CYP39A1: variants seen among roughly 807,000 people sequenced by gnomAD.
CYP39A1 encodes the protein cytochrome P450 family 39 subfamily A member 1, also known as 24-hydroxycholesterol 7-alpha-hydroxylase.
In CYP39A1, 49 loss-of-function variants were observed where a neutral mutation model predicts 58.1. The ratio of observed to expected loss-of-function variants is 0.84; its 90% CI spans 0.67 to 1.07. CYP39A1 has a LOEUF of 1.07. CYP39A1 is among the 50% of genes least tolerant of loss of function. The pLI, the probability that CYP39A1 is intolerant of heterozygous loss-of-function variation, is 0.00. For synonymous variants in CYP39A1, 209 were observed against 187.6 expected, an observed-to-expected ratio of 1.11 and a Z score of -0.93; for missense variants, 531 against 539.4, an observed-to-expected ratio of 0.98 and a Z score of 0.16.
chr6:46,623,993 G>A (rs575335142), intron 7 of CYP39A1, among the ~76,000 whole-genome samples: 8 of 152,014 alleles, frequency 5.3e-5, no homozygotes, highest in Non-Finnish European at 1.0e-4. Flanking sequence ...CATTTTTTGT[G>A]TCAGAAGAGA....
At position 46,553,866 on chromosome 6, in the gene CYP39A1, G is replaced by A. The variant is rs181579679; in HGVS notation, c.1251-12C>T. 2.5e-4 allele frequency: 376 copies of A among 1,502,952 alleles called. No individual in the cohort carries two copies. Among genetic ancestry groups the A allele is most frequent in the Admixed American group, 5.5e-4 (29 of 53,028 alleles). 93.1% of individuals were successfully genotyped at this position (1,502,952 alleles called of 1,614,324 possible). On this transcript the variant is annotated splice_polypyrimidine_tract_variant and intron_variant, in intron 10 of 11. Transcript: ENST00000275016. ...ACAGAGCAAACCACCTGGAAGAAAC[G>A]AATAAAATTGTTACTTGATTGTGAA...
At chr6:46,583,221 T>A (rs982648884) in intron 10 of CYP39A1, 12 of 985,278 alleles carry the variant, frequency 1.2e-5, no homozygotes, top group Non-Finnish European at 1.4e-5. Context: ...TATAAGCAGA[T>A]TAATCTTGCC....
chr6:46,600,151 T>C (rs7765471), intron 7 of CYP39A1, among the ~76,000 whole-genome samples: 2 of 151,744 alleles, frequency 1.3e-5, no homozygotes, highest in African/African-American at 4.8e-5. Flanking sequence ...TTTTTTGACA[T>C]GGAGACTCGC....
At chr6:46,569,694 C>A (rs1771476979) in intron 10 of CYP39A1, among the ~76,000 whole-genome samples, 1 of 152,034 alleles carries the variant, frequency 6.6e-6, no homozygotes, top group Non-Finnish European at 1.5e-5. Context: ...ATAGGTTGGA[C>A]CACCCTTGCA....
At chr6:46,559,832 TAA>T (rs1479608994) in intron 10 of CYP39A1, among the ~76,000 whole-genome samples, 1 of 152,202 alleles carries the variant, frequency 6.6e-6, no homozygotes, top group Non-Finnish European at 1.5e-5. Flanking sequence ...GATTATACAC[TAA>T]GAGTTCTAAC....
chr6:46,587,225 T>C, intron 9 of CYP39A1, 60 bp from the exon 10 acceptor site: 1 of 1,122,302 alleles, frequency 8.9e-7, no homozygotes, highest in Non-Finnish European at 1.3e-6. Flanking sequence ...CTTAACTTTA[T>C]TTCTCTAGGC....
chr6:46,551,369 G>GAA (rs200719212), intron 11 of CYP39A1, among the ~76,000 whole-genome samples: 25,760 of 99,850 alleles, frequency 0.26, 2,468 homozygotes, highest in East Asian at 0.27. Context: ...AAAGTAAAAT[G>GAA]AAAAAAAAAA....
intron 7 of CYP39A1, among the ~76,000 whole-genome samples, chr6:46,623,812 T>C (rs934437915): frequency 3.2e-4 from 48 of 152,266 alleles, no homozygotes; most frequent in Admixed American, 1.0e-3. Context: ...TTTAAATTCC[T>C]GAGCTGCTAC....
chr6:46,648,975 A>T (rs976692541), intron 1 of CYP39A1, among the ~76,000 whole-genome samples: 3 of 152,206 alleles, frequency 2.0e-5, no homozygotes, highest in Non-Finnish European at 4.4e-5. Context: ...TAAACAAAAG[A>T]CTGATATAAC....
intron 10 of CYP39A1, chr6:46,586,147 T>G (rs1772461331): frequency 3.5e-6 from 3 of 855,960 alleles, no homozygotes; most frequent in African/African-American, 1.8e-5. Flanking sequence ...AAAATCATAC[T>G]AATACTCTAA....
chr6:46,622,524 G>A (rs1775023927), intron 7 of CYP39A1, among the ~76,000 whole-genome samples: 3 of 149,382 alleles, frequency 2.0e-5, no homozygotes, highest in Admixed American at 2.0e-4. Flanking sequence ...GTGGCAGGAG[G>A]ATCACTTGAG....
intron 10 of CYP39A1, among the ~76,000 whole-genome samples, chr6:46,579,421 C>T (rs531127053): frequency 3.3e-5 from 5 of 152,064 alleles, no homozygotes; most frequent in South Asian, 4.1e-4. Flanking sequence ...GGGCAAAAAT[C>T]GGAACCCTTC....
intron 1 of CYP39A1, among the ~76,000 whole-genome samples, chr6:46,649,877 G>A (rs1762562734): frequency 6.6e-6 from 1 of 152,170 alleles, no homozygotes; most frequent in Non-Finnish European, 1.5e-5. Context: ...GGTCACCAAA[G>A]TTGTCTCTTC....
At chr6:46,579,009 A>G (rs1771985794) in intron 10 of CYP39A1, among the ~76,000 whole-genome samples, 1 of 152,140 alleles carries the variant, frequency 6.6e-6, no homozygotes, top group African/African-American at 2.4e-5. Flanking sequence ...AGACAATGAA[A>G]AAAGAAAACT....
chr6:46,614,104 T>C (rs1296485919), intron 7 of CYP39A1, among the ~76,000 whole-genome samples: 4 of 152,130 alleles, frequency 2.6e-5, no homozygotes. Flanking sequence ...TCTGTGATAC[T>C]AAATAGCTTA....
intron 1 of CYP39A1, among the ~76,000 whole-genome samples, chr6:46,651,925 T>G (rs1365556613): frequency 1.3e-5 from 2 of 152,170 alleles, no homozygotes; most frequent in Admixed American, 1.3e-4. Flanking sequence ...GTAGTGAAAA[T>G]GGAGTACATC....
intron 10 of CYP39A1, among the ~76,000 whole-genome samples, chr6:46,573,811 A>T (rs2150496617): frequency 6.6e-6 from 1 of 152,332 alleles, no homozygotes; most frequent in African/African-American, 2.4e-5. Context: ...AACTGATATA[A>T]CCAAAGTAAA....
rs3839568 is a variant in CYP39A1, at chr6:46,607,464, T to TACACACACAC, written c.932-11354_932-11345dup. Among the ~76,000 whole-genome samples, 268 of 145,588 alleles carry TACACACACAC rather than the reference T, an allele frequency of 1.8e-3. 1 individual carries two copies. Among genetic ancestry groups the TACACACACAC allele is most frequent in the African/African-American group, 6.3e-3 (253 of 40,054 alleles). ...CTTAATATTTCAAGCCCCTTCCCCC[T>TACACACACAC]ACACACACACACACACACACACACA... On this transcript the variant is annotated intron_variant, in intron 7 of 11. Transcript: ENST00000275016.
chr6:46,620,992 TC>T (rs1358804923), intron 7 of CYP39A1, among the ~76,000 whole-genome samples: 5 of 152,142 alleles, frequency 3.3e-5, no homozygotes, highest in African/African-American at 4.8e-5. Context: ...GTTGTTACAT[TC>T]TATTATTTAA....
Sources: allele counts gnomAD v4.1 joint callset (sites outside exome capture counted in the v4.1 genomes callset), GRCh38; gene constraint gnomAD v4.1.1; transcripts MANE v1.5; gene names NCBI Gene and HGNC (gene_info 2026-07-23, HGNC 2026-07-21).